STAG1: variants seen among roughly 807,000 people sequenced by gnomAD.
The protein encoded by STAG1 is STAG1 cohesin complex component, also known as cohesin subunit SA-1.
A neutral mutation model predicts 170.9 loss-of-function variants in STAG1; 26 were observed. The observed-to-expected ratio is 0.15, with a 90% CI of 0.11 to 0.21. The LOEUF (loss-of-function observed/expected upper bound fraction) is 0.21. Among genes scored for constraint, STAG1 ranks in the 10% least tolerant of loss-of-function variants. The pLI is 1.00. For synonymous variants in STAG1, 514 were observed against 497.7 expected (o/e 1.03, Z -0.44); for missense variants, 964 against 1,509.5 (o/e 0.64, Z 5.99).
chr3:136,347,556 T>A (rs1936278751), intron 29 of STAG1, among the ~76,000 whole-genome samples: 1 of 152,118 alleles, frequency 6.6e-6, no homozygotes, highest in Non-Finnish European at 1.5e-5. Context: ...ATCTTAAACT[T>A]TGTGGAGATT....
At chr3:136,376,016 C>A (rs1964478) in intron 23 of STAG1, among the ~76,000 whole-genome samples, 144 of 115,520 alleles carry the variant, frequency 1.2e-3, no homozygotes, top group African/African-American at 3.9e-3. Context: ...AAATAATTAA[C>A]AAAATAAAAT....
chr3:136,395,275 A>T (rs889526625), intron 22 of STAG1, among the ~76,000 whole-genome samples: 2 of 152,206 alleles, frequency 1.3e-5, no homozygotes, highest in African/African-American at 4.8e-5. Flanking sequence ...ATATTCAAAG[A>T]AGTCGATTGA....
Position 136,336,491 on chromosome 3 carries a change from A to C in STAG1, c.*1763T>G, listed in dbSNP as rs1935684100. ...GTTTTCCATACAAGACTGTCACGCAAAGGATCAATTTGTGCATGTGCCAGG... is the reference window on the plus strand; with the variant it reads ...GTTTTCCATACAAGACTGTCACGCACAGGATCAATTTGTGCATGTGCCAGG... On this transcript the variant is annotated 3_prime_UTR_variant, in exon 34 of 34. Transcript: ENST00000383202. 6.6e-6 allele frequency: 1 copy of C among 152,234 alleles called. No homozygotes were observed. The allele number at this position is 152,234 out of a possible 1,614,324, so 9.4% of individuals were successfully genotyped here.
chr3:136,491,141 G>A (rs1055548099), intron 9 of STAG1, among the ~76,000 whole-genome samples: 1 of 151,528 alleles, frequency 6.6e-6, no homozygotes, highest in Non-Finnish European at 1.5e-5. Flanking sequence ...TTTTAGACAC[G>A]GGGTCTTGCT....
intron 1 of STAG1, among the ~76,000 whole-genome samples, chr3:136,743,616 C>G (rs889434756): frequency 4.6e-5 from 7 of 151,806 alleles, no homozygotes; most frequent in African/African-American, 1.7e-4. Context: ...AAAACCATCC[C>G]AAAAAGAAAA....
chr3:136,339,109 TAAG>T (rs932106181), intron 32 of STAG1, among the ~76,000 whole-genome samples: 6 of 151,998 alleles, frequency 3.9e-5, no homozygotes, highest in African/African-American at 1.2e-4. Flanking sequence ...GGGGCCCTGA[TAAG>T]AAGAGGAGAG....
rs556053142 is a variant in STAG1, at chr3:136,530,727, A to C, written c.472-9310T>G. ...TGCCTTGAAATAAATGAAAGTGGAA[A>C]CACAACATACCAAAACCTGTGGGAT... On this transcript the variant is annotated intron_variant, in intron 6 of 33. Coordinates refer to ENST00000383202, the MANE Select transcript of STAG1 (RefSeq NM_005862.3). Among the ~76,000 whole-genome samples, 18 of 152,304 alleles carry C rather than the reference A, an allele frequency of 1.2e-4. No homozygotes were observed. The East Asian group carries it at 3.5e-3, about 29-fold the overall frequency.
chr3:136,398,809 C>T lies in STAG1; in HGVS notation c.2217G>A (p.Gln739=), dbSNP rs1440977802. The T allele has an allele frequency of 1.7e-5, 27 of 1,589,512 alleles. No homozygotes were observed. The Admixed American group carries it at 4.7e-4, about 28-fold the overall frequency. Residue 739 remains glutamine (Q), a synonymous_variant, in exon 22 of 34, where the codon CAG becomes CAA. Transcript: ENST00000383202. The part of the protein sequence containing the change: ...MPEQIVVQAL[Q]CSHYSILWQL... ...GCCAAAGAATCGAATAATGGGAACA[C>T]TGCAGTGCTTGCACGACTATCTGTA...
chr3:136,457,015 T>C (rs1032263018), intron 13 of STAG1, among the ~76,000 whole-genome samples: 3 of 152,326 alleles, frequency 2.0e-5, no homozygotes, highest in South Asian at 2.1e-4. Flanking sequence ...AAAGGAGTTC[T>C]TCAATTTGAA....
intron 1 of STAG1, among the ~76,000 whole-genome samples, chr3:136,749,617 G>A (rs1406476025): frequency 2.0e-5 from 3 of 151,866 alleles, no homozygotes; most frequent in African/African-American, 2.4e-5. Flanking sequence ...ATGGTGGCAC[G>A]CACTTGTAGA....
intron 29 of STAG1, among the ~76,000 whole-genome samples, chr3:136,347,514 C>CT (rs1936278104): frequency 6.6e-6 from 1 of 150,568 alleles, no homozygotes; most frequent in South Asian, 2.1e-4. Flanking sequence ...TTAAAAAAGA[C>CT]TTTAAGTCCC....
intron 6 of STAG1, among the ~76,000 whole-genome samples, chr3:136,524,637 A>G (rs1192174246): frequency 2.6e-5 from 4 of 152,162 alleles, no homozygotes; most frequent in Admixed American, 6.5e-5. Flanking sequence ...ACTATGTTGA[A>G]TAGGAGTGGT....
Position 136,496,821 on chromosome 3 carries a change from G to A in STAG1, c.902+3402C>T, listed in dbSNP as rs962432300. On this transcript the variant is annotated intron_variant, in intron 9 of 33. Coordinates refer to ENST00000383202, the MANE Select transcript of STAG1 (RefSeq NM_005862.3). ...AATGAAATAGAAAACAAAAATAATA[G>A]AAAAATTCAATATAAAATAAGATAA... is the stretch of plus-strand genomic sequence containing the variant. Among the ~76,000 whole-genome samples the A allele has an allele frequency of 3.3e-5, 5 of 150,958 alleles. No individual in the cohort carries two copies. In the East Asian group the frequency reaches 5.8e-4, roughly 18 times the overall value.
chr3:136,629,717 G>T (rs1413455831), intron 2 of STAG1, among the ~76,000 whole-genome samples: 1 of 152,074 alleles, frequency 6.6e-6, no homozygotes. Context: ...TGAAAATAAG[G>T]TATGTAAATG....
intron 5 of STAG1, among the ~76,000 whole-genome samples, chr3:136,561,823 T>G (rs1936854939): frequency 6.6e-6 from 1 of 151,878 alleles, no homozygotes; most frequent in Non-Finnish European, 1.5e-5. Flanking sequence ...AAACATTTTT[T>G]TTTTTTTTCA....
intron 21 of STAG1, among the ~76,000 whole-genome samples, chr3:136,410,615 TAATGAAACATATGTAAAGACTTAA>T: frequency 6.6e-6 from 1 of 151,956 alleles, no homozygotes; most frequent in Non-Finnish European, 1.5e-5. Flanking sequence ...AAAATGAAAA[TAATGAAACATATGTAAAGACTTAA>T]AATGAAACAA....
intron 4 of STAG1, among the ~76,000 whole-genome samples, chr3:136,590,391 G>C (rs1938099631): frequency 6.6e-6 from 1 of 151,718 alleles, no homozygotes; most frequent in African/African-American, 2.4e-5. Flanking sequence ...TACTCGGGAG[G>C]CTGAGGCAGG....
intron 4 of STAG1, among the ~76,000 whole-genome samples, chr3:136,583,695 A>G (rs1384939031): frequency 6.6e-6 from 1 of 152,194 alleles, no homozygotes; most frequent in Non-Finnish European, 1.5e-5. Context: ...AGGCTGAGGC[A>G]CAACAATTGC....
At chr3:136,739,833 T>C (rs1013443487) in intron 1 of STAG1, among the ~76,000 whole-genome samples, 2 of 151,142 alleles carry the variant, frequency 1.3e-5, no homozygotes, top group Admixed American at 6.6e-5. Flanking sequence ...TCAAAAAAAA[T>C]AATAATTATA....
Sources: gnomAD v4.1 joint callset for allele counts (sites outside exome capture counted in the v4.1 genomes callset) on GRCh38, gnomAD v4.1.1 for gene constraint, MANE v1.5 for transcripts, NCBI Gene and HGNC (gene_info 2026-07-23, HGNC 2026-07-21) for gene names.